Variants in GDPD4 observed in about 807,000 individuals in gnomAD.
GDPD4 encodes the protein glycerophosphodiester phosphodiesterase domain containing 4.
Under a neutral mutation model 67.8 loss-of-function variants are expected in GDPD4, and 60 were observed. The ratio of observed to expected loss-of-function variants is 0.88; its 90% CI spans 0.72 to 1.10. The LOEUF is 1.10. Ranked by LOEUF, GDPD4 falls within the 50% of genes least tolerant of loss-of-function variation. The pLI, the probability that GDPD4 is intolerant of heterozygous loss-of-function variation, is 0.00. For synonymous variants in GDPD4, 212 were observed against 210.9 expected (o/e 1.00, Z -0.04); for missense variants, 623 against 613.9 (o/e 1.01, Z -0.16).
At chr11:77,226,921 G>A (rs2135824348) in intron 16 of GDPD4, among the ~76,000 whole-genome samples, 1 of 152,242 alleles carries the variant, frequency 6.6e-6, no homozygotes, top group Admixed American at 6.5e-5. Flanking sequence ...AACCCTAAGT[G>A]TTGTATCAGT....
chr11:77,279,189 C>T, intron 4 of GDPD4, 117 bp downstream of exon 4: 1 of 625,464 alleles, frequency 1.6e-6, no homozygotes, highest in Non-Finnish European at 2.9e-6. Context: ...TCTACTAAGA[C>T]AAGAGTGATC....
chr11:77,261,226 C>T (rs542849501), intron 10 of GDPD4, among the ~76,000 whole-genome samples: 12 of 151,870 alleles, frequency 7.9e-5, no homozygotes, highest in African/African-American at 2.4e-4. Context: ...ACTGAAGATG[C>T]TTTGGGCCTA....
intron 11 of GDPD4, among the ~76,000 whole-genome samples, chr11:77,258,167 G>A (rs1177040301): frequency 3.9e-5 from 6 of 152,204 alleles, no homozygotes; most frequent in Admixed American, 2.0e-4. Context: ...AAGTTTACAA[G>A]TTTGTCTTCA....
chr11:77,252,460 C>A (rs1230925164), intron 11 of GDPD4, among the ~76,000 whole-genome samples: 1 of 152,060 alleles, frequency 6.6e-6, no homozygotes, highest in East Asian at 1.9e-4. Flanking sequence ...TTTTGTATCT[C>A]ATGGAGTTTC....
At chr11:77,225,335 TA>T (rs1024701832) in intron 16 of GDPD4, among the ~76,000 whole-genome samples, 2 of 148,556 alleles carry the variant, frequency 1.3e-5, no homozygotes, top group Non-Finnish European at 3.0e-5. Flanking sequence ...ACCTATGGGA[TA>T]ATATACTAAC....
chr11:77,281,621 TAGAAGG>T (rs1959756491), intron 3 of GDPD4, among the ~76,000 whole-genome samples: 1 of 152,206 alleles, frequency 6.6e-6, no homozygotes, highest in Non-Finnish European at 1.5e-5. Flanking sequence ...AATTTTTCTC[TAGAAGG>T]ATTGGCTGAG....
At chr11:77,278,901 A>C (rs1461872141) in intron 4 of GDPD4, among the ~76,000 whole-genome samples, 4 of 152,236 alleles carry the variant, frequency 2.6e-5, no homozygotes, top group Admixed American at 2.6e-4. Context: ...TTAACAAGTA[A>C]GCAAATTTTT....
In GDPD4 at chr11:77,268,513, G is replaced by A. The variant is rs758976368; in HGVS notation, c.651C>T (p.Ser217=). 9.3e-6 allele frequency: 15 copies of A among 1,612,854 alleles called. No homozygotes were observed. The East Asian group carries it at 3.3e-4, about 36-fold the overall frequency. Reference sequence around the variant, plus strand: ...CTCCATGTTCAACAGCTTTCTCAAAGGACATCATGGTATTCTCAGGCCCCA... The same window carrying A: ...CTCCATGTTCAACAGCTTTCTCAAAAGACATCATGGTATTCTCAGGCCCCA... ...PMLGPENTMM[S]FEKAVEHGAH... Residue 217 remains serine (S), a synonymous_variant, in exon 10 of 17, where the codon TCC becomes TCT. Transcript: ENST00000315938.
rs1958725128 is a variant in GDPD4 at position 77,243,831 on chromosome 11, A to G, written c.1104T>C (p.Ala368=). ...CGGACCTGACGTATTGCCTATCATG[A>G]GCTGGCAACCAAAAAATCTCTAAGG... The part of the protein sequence containing the change: ...IEQHLIFWLP[A]HDRQYVRSVA... Residue 368 remains alanine (A), a synonymous_variant, in exon 13 of 17, where the codon GCT becomes GCC. Transcript: ENST00000315938. 1.9e-6 allele frequency: 3 copies of G among 1,613,060 alleles called. No homozygotes were observed. The highest frequency in any genetic ancestry group is 2.5e-6 in the Non-Finnish European group (3 of 1,179,564).
intron 1 of GDPD4, 52 bp from the exon 2 acceptor site, chr11:77,287,472 C>A (rs958117656): frequency 6.6e-6 from 1 of 152,098 alleles, no homozygotes; most frequent in African/African-American, 2.4e-5. Flanking sequence ...CCTTAATGTA[C>A]CTTATCCCAC....
Position 77,229,132 on chromosome 11 carries a change from A to C in GDPD4, c.1472+18T>G. ...TTTATTTTGGAAAAAATTCATTTAA[A>C]ATTATATATATACTTACCAGTGAAA... On this transcript the variant is annotated intron_variant, in intron 15 of 16. Coordinates refer to ENST00000315938, the MANE Select transcript of GDPD4 (RefSeq NM_182833.3). The C allele has an allele frequency of 1.6e-6, 2 of 1,232,568 alleles. No homozygotes were observed. The highest frequency in any genetic ancestry group is 2.3e-6 in the Non-Finnish European group (2 of 884,402). 76.4% of individuals were successfully genotyped at this position (1,232,568 alleles called of 1,614,324 possible).
intron 13 of GDPD4, among the ~76,000 whole-genome samples, chr11:77,238,657 A>C (rs1958608686): frequency 6.6e-6 from 1 of 152,158 alleles, no homozygotes; most frequent in Non-Finnish European, 1.5e-5. Flanking sequence ...TTTTTTTAAA[A>C]CATTAAAAAT....
chr11:77,264,612 G>C (rs1959169792), intron 10 of GDPD4, among the ~76,000 whole-genome samples: 1 of 152,150 alleles, frequency 6.6e-6, no homozygotes, highest in South Asian at 2.1e-4. Flanking sequence ...AATTTACTAT[G>C]ATGTTTAAGA....
At chr11:77,268,886 T>G in intron 9 of GDPD4, 38 bp downstream of exon 9, 2 of 1,602,618 alleles carry the variant, frequency 1.2e-6, no homozygotes, top group Non-Finnish European at 8.5e-7. Context: ...ACCCCACACA[T>G]ACTTATTTTC....
chr11:77,289,067 A>T (rs549121752), intron 1 of GDPD4, among the ~76,000 whole-genome samples: 130 of 149,248 alleles, frequency 8.7e-4, no homozygotes, highest in African/African-American at 3.1e-3. Context: ...AAGAGAAGGA[A>T]AAGTGGAAGG....
intron 16 of GDPD4, among the ~76,000 whole-genome samples, chr11:77,223,373 G>A (rs370141198): frequency 3.6e-4 from 54 of 152,092 alleles, no homozygotes; most frequent in African/African-American, 1.2e-3. Flanking sequence ...TGGGGTTTTG[G>A]TTATGGATGT....
intron 13 of GDPD4, among the ~76,000 whole-genome samples, chr11:77,243,158 GA>G (rs769091620): frequency 2.0e-5 from 3 of 152,090 alleles, no homozygotes; most frequent in Non-Finnish European, 4.4e-5. Context: ...TTTTAATTCT[GA>G]AAATTTGTCT....
At position 77,287,308 on chromosome 11, in the gene GDPD4, G is replaced by A. The variant is rs1379363787; in HGVS notation, c.-141C>T. 6.6e-6 allele frequency: 1 copy of A among 152,216 alleles called. No homozygotes were observed. Among genetic ancestry groups the A allele is most frequent in the Non-Finnish European group, 1.5e-5 (1 of 68,052 alleles). 9.4% of individuals were successfully genotyped at this position (152,216 alleles called of 1,614,324 possible). ...AGCAGCCAGTAAGGAAGGTGACAAA[G>A]CATTTGTGGTTGAAGATGCGTGGAA... On this transcript the variant is annotated 5_prime_UTR_variant, in exon 2 of 17. Coordinates refer to ENST00000315938, the MANE Select transcript of GDPD4 (RefSeq NM_182833.3).
At chr11:77,252,158 G>A (rs1040072244) in intron 11 of GDPD4, among the ~76,000 whole-genome samples, 1 of 150,804 alleles carries the variant, frequency 6.6e-6, no homozygotes, top group African/African-American at 2.4e-5. Context: ...CCCCCTCCCG[G>A]GTTCAAGCAT....
Sources: gnomAD v4.1 joint callset for allele counts (sites outside exome capture counted in the v4.1 genomes callset) on GRCh38, gnomAD v4.1.1 for gene constraint, MANE v1.5 for transcripts, NCBI Gene and HGNC (gene_info 2026-07-23, HGNC 2026-07-21) for gene names.